The following RBFOX1 variants were observed in gnomAD, a reference collection of about 807,000 sequenced individuals.
The protein encoded by RBFOX1 is RNA binding fox-1 homolog 1.
In RBFOX1, 8 loss-of-function variants were observed where a neutral mutation model predicts 57.7. That is an observed-to-expected ratio of 0.14 (90% confidence interval 0.08 to 0.25). RBFOX1 has a LOEUF of 0.25. RBFOX1 is among the 10% of genes least tolerant of loss of function. RBFOX1 has a pLI of 1.00. For synonymous variants in RBFOX1, 326 were observed against 222.4 expected (o/e 1.47, Z -4.15); for missense variants, 611 against 548.5 (o/e 1.11, Z -1.14).
chr16:6,032,055 T>A (rs940930838), intron 1 of RBFOX1, among the ~76,000 whole-genome samples: 2 of 152,034 alleles, frequency 1.3e-5, no homozygotes, highest in African/African-American at 2.4e-5. Context: ...CATTTTGGAG[T>A]GTGTTTTCAA....
rs375615574 is a variant in RBFOX1 at position 7,077,092 on chromosome 16, T to G, written c.27+24994T>G. 2.0e-5 allele frequency among the ~76,000 whole-genome samples: 3 copies of G among 152,214 alleles called. No homozygotes were observed. The South Asian group carries it at 6.2e-4, about 31-fold the overall frequency. Reference sequence around the variant, plus strand: ...TTTTCTTTGCACAGACTTCTCCTGATGCACTTATAATTTTCTGCCCAGAAA... The same window carrying G: ...TTTTCTTTGCACAGACTTCTCCTGAGGCACTTATAATTTTCTGCCCAGAAA... On this transcript the variant is annotated intron_variant, in intron 4 of 15. Transcript: ENST00000550418.
intron 2 of RBFOX1, among the ~76,000 whole-genome samples, chr16:5,591,794 C>A (rs1320002818): frequency 6.6e-6 from 1 of 152,092 alleles, no homozygotes; most frequent in Non-Finnish European, 1.5e-5. Flanking sequence ...TATGTTGTTC[C>A]CAGTATTTTG....
chr16:5,570,729 A>C (rs1318308620), intron 2 of RBFOX1, among the ~76,000 whole-genome samples: 6 of 151,598 alleles, frequency 4.0e-5, no homozygotes, highest in Non-Finnish European at 7.4e-5. Flanking sequence ...AATCCCAGTT[A>C]CTCGGGAGGC....
chr16:5,324,690 G>A (rs1380009842), intron 1 of RBFOX1, among the ~76,000 whole-genome samples: 1 of 152,106 alleles, frequency 6.6e-6, no homozygotes, highest in East Asian at 1.9e-4. Context: ...ATTATCCTTA[G>A]CAAACTAACA....
intron 4 of RBFOX1, among the ~76,000 whole-genome samples, chr16:7,095,945 G>A (rs541654605): frequency 6.6e-5 from 10 of 150,594 alleles, no homozygotes; most frequent in African/African-American, 2.4e-4. Context: ...CCCAGGAGGC[G>A]GAGCTTGCAG....
rs987174418 is a variant in RBFOX1 at position 7,503,022 on chromosome 16, C to CA, written c.28-15117dup. ...TGGGTGACAGAGCAAGACTCTGTCT[C>CA]AAAAAAAATAAATAAATTATTCTAA... is the stretch of plus-strand genomic sequence containing the variant. On this transcript the variant is annotated intron_variant, in intron 4 of 15. Transcript: ENST00000550418. Among the ~76,000 whole-genome samples, 49 of 151,630 alleles carry CA rather than the reference C, an allele frequency of 3.2e-4. No homozygotes were observed. In the Middle Eastern group the frequency reaches 0.01, roughly 32 times the overall value.
chr16:5,751,307 G>A lies in RBFOX1; in HGVS notation c.319-115996G>A, dbSNP rs141329676. Reference sequence around the variant, plus strand: ...TGGGCATTATGCATTTCACTCATGAGTAATTAACATTTGTAGTGCCCTACA... The same window carrying A: ...TGGGCATTATGCATTTCACTCATGAATAATTAACATTTGTAGTGCCCTACA... On this transcript the variant is annotated intron_variant, in intron 3 of 19. Transcript: ENST00000641259. Among the ~76,000 whole-genome samples the A allele has an allele frequency of 7.5e-4, 114 of 152,204 alleles. 1 individual carries two copies. Among genetic ancestry groups the A allele is most frequent in the African/African-American group, 2.5e-3 (103 of 41,544 alleles).
intron 1 of RBFOX1, among the ~76,000 whole-genome samples, chr16:6,152,989 A>C (rs769466178): frequency 2.0e-5 from 3 of 148,678 alleles, no homozygotes; most frequent in Non-Finnish European, 4.5e-5. Context: ...TTCCTGTTTT[A>C]TGACTATTGG....
chr16:6,867,821 G>A (rs1033473117), intron 3 of RBFOX1, among the ~76,000 whole-genome samples: 1 of 152,144 alleles, frequency 6.6e-6, no homozygotes, highest in Admixed American at 6.6e-5. Flanking sequence ...CCTTGATCCT[G>A]GTGTAATTAT....
chr16:7,060,158 C>G (rs1358800430), intron 4 of RBFOX1, among the ~76,000 whole-genome samples: 2 of 152,078 alleles, frequency 1.3e-5, no homozygotes, highest in South Asian at 2.1e-4. Flanking sequence ...ATTTTAGGAC[C>G]TGAAGGCCAT....
chr16:7,647,316 T>C (rs2063940613), intron 11 of RBFOX1, among the ~76,000 whole-genome samples: 1 of 152,216 alleles, frequency 6.6e-6, no homozygotes, highest in Admixed American at 6.5e-5. Flanking sequence ...CATTTTTAGC[T>C]TATGAGCTGA....
intron 3 of RBFOX1, among the ~76,000 whole-genome samples, chr16:6,936,898 G>A (rs2077458234): frequency 7.2e-6 from 1 of 138,546 alleles, no homozygotes; most frequent in Non-Finnish European, 1.5e-5. Context: ...GCCAGAGTGT[G>A]ATGTTCCCCT....
chr16:6,635,981 G>A (rs899573209), intron 2 of RBFOX1, among the ~76,000 whole-genome samples: 5 of 152,148 alleles, frequency 3.3e-5, no homozygotes, highest in African/African-American at 1.2e-4. Context: ...ATTGCCTTAT[G>A]CTTTATATGC....
chr16:7,252,235 T>G (rs150710246), intron 4 of RBFOX1, among the ~76,000 whole-genome samples: 1 of 152,340 alleles, frequency 6.6e-6, no homozygotes, highest in Non-Finnish European at 1.5e-5. Flanking sequence ...CCCCCATATC[T>G]CCATTCATTT....
At chr16:5,751,043 A>C (rs559147995) in intron 3 of RBFOX1, among the ~76,000 whole-genome samples, 1 of 152,262 alleles carries the variant, frequency 6.6e-6, no homozygotes, top group Non-Finnish European at 1.5e-5. Context: ...GGGTTTCACC[A>C]TGTTGACTGG....
At chr16:6,935,300 G>A (rs565927583) in intron 3 of RBFOX1, among the ~76,000 whole-genome samples, 2 of 152,194 alleles carry the variant, frequency 1.3e-5, no homozygotes, top group African/African-American at 2.4e-5. Flanking sequence ...AGTTTCAGAC[G>A]ATCTCTCCAA....
At chr16:6,562,136 C>T (rs975542311) in intron 2 of RBFOX1, among the ~76,000 whole-genome samples, 1 of 152,166 alleles carries the variant, frequency 6.6e-6, no homozygotes, top group South Asian at 2.1e-4. Context: ...CTCCATAGTT[C>T]AAGATAGTTC....
intron 2 of RBFOX1, among the ~76,000 whole-genome samples, chr16:6,569,585 T>A (rs1412897889): frequency 6.6e-6 from 1 of 152,232 alleles, no homozygotes; most frequent in Non-Finnish European, 1.5e-5. Context: ...TTGGGTTAAA[T>A]AGTTGCGACG....
intron 2 of RBFOX1, among the ~76,000 whole-genome samples, chr16:6,348,581 A>G (rs576701586): frequency 1.5e-3 from 231 of 152,286 alleles, no homozygotes; most frequent in Non-Finnish European, 2.6e-3. Flanking sequence ...TGTACAGGAA[A>G]GATGGCAGAA....
Sources: allele counts gnomAD v4.1 joint callset (sites outside exome capture counted in the v4.1 genomes callset), GRCh38; gene constraint gnomAD v4.1.1; transcripts MANE v1.5; gene names NCBI Gene and HGNC (gene_info 2026-07-23, HGNC 2026-07-21).